Variants in CYP4F12 observed in about 807,000 individuals in gnomAD.
CYP4F12 encodes cytochrome P450 4F12.
CYP4F12 carries 60 observed loss-of-function variants against 56.5 expected under a neutral mutation model. The observed-to-expected ratio is 1.06, with a 90% CI of 0.86 to 1.32. The LOEUF is 1.32. Ranked by LOEUF, CYP4F12 falls within the 40% of genes most tolerant of loss-of-function variation. The pLI is 0.00. For missense variants in CYP4F12, 711 were observed against 683.5 expected (o/e 1.04, Z -0.45); for synonymous variants, 263 against 264.9 (o/e 0.99, Z 0.07).
In CYP4F12 at chr19:15,682,318, G is replaced by A. The variant is rs2007345242; in HGVS notation, c.526-71G>A. 1.9e-6 allele frequency: 3 copies of A among 1,586,620 alleles called. No individual in the cohort carries two copies. The East Asian group carries it at 6.8e-5, about 36-fold the overall frequency. On this transcript the variant is annotated intron_variant, in intron 5 of 12. Transcript: ENST00000550308. Reference sequence around the variant, plus strand: ...GGCTGGTTGTGGGGGAGTCCATCCTGATGTTTGGGACTGGGGAGGGGCACA... The same window carrying A: ...GGCTGGTTGTGGGGGAGTCCATCCTAATGTTTGGGACTGGGGAGGGGCACA...
rs1158588200 is a variant in CYP4F12, at chr19:15,685,174, C to T, written c.1092C>T (p.Asp364=). The T allele has an allele frequency of 2.5e-6, 4 of 1,613,880 alleles. No homozygotes were observed. Among genetic ancestry groups the T allele is most frequent in the Non-Finnish European group, 3.4e-6 (4 of 1,179,932 alleles). Reference sequence around the variant, plus strand: ...AGGAGGTGCAAGAGCTTCTGAAGGACCGCGATCCTAAAGAGATTGAATGGT... The same window carrying T: ...AGGAGGTGCAAGAGCTTCTGAAGGATCGCGATCCTAAAGAGATTGAATGGT... ...CRQEVQELLK[D]RDPKEIEWDD... The change falls in exon 9 of 13, where the codon GAC becomes GAT. Residue 364 remains aspartate (D), a synonymous_variant. Coordinates refer to ENST00000550308, the MANE Select transcript of CYP4F12 (RefSeq NM_023944.4).
intron 5 of CYP4F12, 47 bp from the exon 6 acceptor site, chr19:15,682,342 C>T (rs754366357): frequency 1.2e-6 from 2 of 1,604,786 alleles, no homozygotes; most frequent in East Asian, 2.2e-5. Flanking sequence ...GGGAGGGGCA[C>T]AAAGGAGGCA....
rs750936191 is a variant in CYP4F12 at position 15,684,846 on chromosome 19, G to T, written c.949G>T (p.Asp317Tyr). 4 of 1,609,442 alleles carry T rather than the reference G, an allele frequency of 2.5e-6. No individual in the cohort carries two copies. Among genetic ancestry groups the T allele is most frequent in the Non-Finnish European group, 3.4e-6 (4 of 1,177,964 alleles). Residue 317 changes from aspartate (D) to tyrosine (Y), a missense_variant, in exon 8 of 13, where the codon GAT becomes TAT. Asp to Tyr is a radical substitution (Grantham distance 160). Coordinates refer to ENST00000550308, the MANE Select transcript of CYP4F12 (RefSeq NM_023944.4). ...DEDGKALSDE[D>Y]IRAEADTFMF... ...AGATGGGAAGGCATTGTCAGATGAGGATATAAGAGCAGAGGCTGACACCTT... is the reference window on the plus strand; with the variant it reads ...AGATGGGAAGGCATTGTCAGATGAGTATATAAGAGCAGAGGCTGACACCTT...
intron 6 of CYP4F12, among the ~76,000 whole-genome samples, 168 bp from the exon 7 acceptor site, chr19:15,683,325 G>C (rs626753): frequency 0.017 from 2,600 of 152,098 alleles, 2 homozygotes; most frequent in African/African-American, 0.06. Flanking sequence ...AGAGAAGACA[G>C]TCTAGAGAGT....
chr19:15,696,933 A>ATGGCGGAGATGAAAGTGGTCC lies in CYP4F12; in HGVS notation c.1429_1449dup (p.Glu477_Ala483dup), dbSNP rs772064439. On this transcript the variant is annotated inframe_insertion, in exon 13 of 13. Coordinates refer to ENST00000550308, the MANE Select transcript of CYP4F12 (RefSeq NM_023944.4). ...GAACTGCATCGGGCAGGCGTTCGCCATGGCGGAGATGAAAGTGGTCCTGGC... is the reference window on the plus strand; with the variant it reads ...GAACTGCATCGGGCAGGCGTTCGCCATGGCGGAGATGAAAGTGGTCCTGGCGGAGATGAAAGTGGTCCTGGC... 1.9e-6 allele frequency: 3 copies of ATGGCGGAGATGAAAGTGGTCC among 1,613,864 alleles called. No individual in the cohort carries two copies. The Admixed American group carries it at 5.0e-5, about 27-fold the overall frequency.
intron 7 of CYP4F12, chr19:15,684,388 T>C (rs948345869): frequency 2.4e-5 from 4 of 164,366 alleles, no homozygotes; most frequent in African/African-American, 9.5e-5. Flanking sequence ...ATAACCCAAA[T>C]ATCTTCTGGA....
chr19:15,687,104 C>T (rs2007648701), intron 9 of CYP4F12, among the ~76,000 whole-genome samples: 2 of 152,170 alleles, frequency 1.3e-5, no homozygotes, highest in Non-Finnish European at 2.9e-5. Flanking sequence ...GGTGAAACCC[C>T]GTCTCTACTA....
chr19:15,683,601 C>G lies in CYP4F12; in HGVS notation c.756C>G (p.Asp252Glu), dbSNP rs61731191. The change falls in exon 7 of 13, where the codon GAC (aspartate) becomes GAG (glutamate). Residue 252 changes from aspartate to glutamate, a missense_variant. Coordinates refer to ENST00000550308, the MANE Select transcript of CYP4F12 (RefSeq NM_023944.4). ...ACTTTCTGTATTACCTCTCCCATGA[C>G]GGGCGGCGCTTCCACAGGGCCTGCC... ...HMDFLYYLSHDGRRFHRACRL... is the reference protein window; with the variant it reads ...HMDFLYYLSHEGRRFHRACRL... 1 of 1,614,036 alleles carries G rather than the reference C, an allele frequency of 6.2e-7. No homozygotes were observed. The highest frequency in any genetic ancestry group is 8.5e-7 in the Non-Finnish European group (1 of 1,180,008).
chr19:15,684,883 G>A lies in CYP4F12; in HGVS notation c.985+1G>A, dbSNP rs111563606. 1,211 of 1,603,474 alleles carry A rather than the reference G, an allele frequency of 7.6e-4. 11 individuals are homozygous for A. In the African/African-American group the frequency reaches 0.013, roughly 17 times the overall value. On this transcript the variant is annotated splice_donor_variant, in intron 8 of 12. Coordinates refer to ENST00000550308, the MANE Select transcript of CYP4F12 (RefSeq NM_023944.4). LOFTEE classifies it high-confidence loss of function. Reference sequence around the variant, plus strand: ...GAGGCTGACACCTTCATGTTTGGAGGTGAGGGTCCCAGTGTGGGACTACAG... The same window carrying A: ...GAGGCTGACACCTTCATGTTTGGAGATGAGGGTCCCAGTGTGGGACTACAG...
chr19:15,680,972 C>T (rs1471320867), intron 5 of CYP4F12: 3 of 282,016 alleles, frequency 1.1e-5, no homozygotes, highest in South Asian at 3.4e-5. Context: ...AGTTCATTCA[C>T]GTTTGGGGCT....
chr19:15,673,296 GACTCT>G, intron 1 of CYP4F12, 161 bp downstream of exon 1: 1 of 637,010 alleles, frequency 1.6e-6, no homozygotes, highest in Non-Finnish European at 2.8e-6. Context: ...GGCCCTTCTG[GACTCT>G]AATCGGCCCA....
At chr19:15,683,409 G>A in intron 6 of CYP4F12, 84 bp from the exon 7 acceptor site, 2 of 1,431,984 alleles carry the variant, frequency 1.4e-6, no homozygotes, top group Non-Finnish European at 1.9e-6. Flanking sequence ...CTGATGGGAG[G>A]TAGCTCCTGG....
At position 15,695,379 on chromosome 19, in the gene CYP4F12, G is replaced by A. The variant is rs2008074132; in HGVS notation, c.1116-557G>A. Among the ~76,000 whole-genome samples, 4 of 150,988 alleles carry A rather than the reference G, an allele frequency of 2.6e-5. No individual in the cohort carries two copies. In the South Asian group the frequency reaches 8.4e-4, roughly 32 times the overall value. On this transcript the variant is annotated intron_variant, in intron 9 of 12. Coordinates refer to ENST00000550308, the MANE Select transcript of CYP4F12 (RefSeq NM_023944.4). ...GGGGTGGGGGGAGGGGGAAGGGATA[G>A]CATTAGGAGATATAACTAATGCTAA... is the stretch of plus-strand genomic sequence containing the variant.
intron 9 of CYP4F12, among the ~76,000 whole-genome samples, chr19:15,686,060 C>T (rs1378473561): frequency 6.6e-6 from 1 of 152,182 alleles, no homozygotes; most frequent in Non-Finnish European, 1.5e-5. Flanking sequence ...TACTCCCAGC[C>T]TAGTAGGAAC....
intron 9 of CYP4F12, among the ~76,000 whole-genome samples, chr19:15,685,718 C>A (rs780426880): frequency 6.6e-6 from 1 of 152,268 alleles, no homozygotes; most frequent in South Asian, 2.1e-4. Context: ...TGAAGGCAGA[C>A]GATGACATCT....
intron 5 of CYP4F12, chr19:15,680,871 G>A: frequency 2.9e-6 from 1 of 346,722 alleles, no homozygotes. Context: ...GAGTCTGTGA[G>A]ACAGCTGGCC....
chr19:15,680,576 C>T (rs2007241070), intron 5 of CYP4F12, 57 bp downstream of exon 5: 1 of 1,612,644 alleles, frequency 6.2e-7, no homozygotes, highest in African/African-American at 1.3e-5. Context: ...GGACCATGGA[C>T]ACATCTGGTC....
chr19:15,684,032 A>G (rs1568420286), intron 7 of CYP4F12: 1 of 280,372 alleles, frequency 3.6e-6, no homozygotes, highest in East Asian at 7.3e-5. Context: ...CTATATGTCT[A>G]TGTCTTTGTC....
chr19:15,676,373 T>TCATTCACCCATTCCAATACC (rs1209416492), intron 2 of CYP4F12, among the ~76,000 whole-genome samples: 1 of 107,190 alleles, frequency 9.3e-6, no homozygotes. Context: ...ATTCCTCTCC[T>TCATTCACCCATTCCAATACC]CACTCACTCA....
Sources: allele counts gnomAD v4.1 joint callset (sites outside exome capture counted in the v4.1 genomes callset), GRCh38; gene constraint gnomAD v4.1.1; transcripts MANE v1.5; gene names NCBI Gene and HGNC (gene_info 2026-07-23, HGNC 2026-07-21).